Variants in DNAAF11 observed in about 807,000 individuals in gnomAD.
The protein encoded by DNAAF11 is dynein axonemal assembly factor 11, also known as leucine rich repeat containing 6.
A neutral mutation model predicts 60.8 loss-of-function variants in DNAAF11; 45 were observed. The observed-to-expected ratio is 0.74, with a 90% confidence interval of 0.58 to 0.95. The LOEUF is 0.95. Ranked by LOEUF, DNAAF11 falls within the 40% of genes least tolerant of loss-of-function variation. DNAAF11 has a pLI of 0.00. For missense variants in DNAAF11, 546 were observed against 546.2 expected (o/e 1.00, Z 0.00); for synonymous variants, 191 against 183.5 (o/e 1.04, Z -0.33).
rs961195967 is a variant in DNAAF11, at chr8:132,571,574, G to A, written c.*732C>T. Among the ~76,000 whole-genome samples the A allele has an allele frequency of 6.6e-6, 1 of 152,026 alleles. No homozygotes were observed. The highest frequency in any genetic ancestry group is 2.4e-5 in the African/African-American group (1 of 41,386). ...GAAGGAGCAGGGAGGAGGAGAGACA[G>A]GAGAAAGGGAGGAGAAGAGAGAGGA... On this transcript the variant is annotated 3_prime_UTR_variant, in exon 12 of 12. Coordinates refer to ENST00000620350, the MANE Select transcript of DNAAF11 (RefSeq NM_012472.6).
chr8:132,609,655 G>C (rs146205207), intron 10 of DNAAF11, among the ~76,000 whole-genome samples: 46 of 152,252 alleles, frequency 3.0e-4, no homozygotes, highest in African/African-American at 1.1e-3. Context: ...GAACATGAAA[G>C]TATGCTGCCC....
chr8:132,650,391 A>T (rs143041820), intron 3 of DNAAF11, among the ~76,000 whole-genome samples: 2,853 of 152,192 alleles, frequency 0.019, 99 homozygotes, highest in African/African-American at 0.065. Flanking sequence ...GGGCGGAGGG[A>T]TAGCACTAGG....
the DNAAF11 span, among the ~76,000 whole-genome samples, chr8:132,694,958 G>A: frequency 1.3e-5 from 2 of 152,292 alleles, no homozygotes; most frequent in African/African-American, 2.4e-5. Context: ...TATAAAATGA[G>A]TTTGGTAAAT....
At chr8:132,654,603 G>A (rs756248496) in intron 3 of DNAAF11, among the ~76,000 whole-genome samples, 3 of 150,560 alleles carry the variant, frequency 2.0e-5, no homozygotes, top group Admixed American at 1.3e-4. Context: ...GGAGTGAAAC[G>A]AGAAATCAGT....
intron 11 of DNAAF11, among the ~76,000 whole-genome samples, chr8:132,576,515 A>C (rs966288971): frequency 6.6e-6 from 1 of 152,188 alleles, no homozygotes; most frequent in South Asian, 2.1e-4. Context: ...AAATTGACCC[A>C]GTTGTTTTGG....
At chr8:132,648,490 G>A (rs1822636373) in intron 3 of DNAAF11, among the ~76,000 whole-genome samples, 1 of 152,148 alleles carries the variant, frequency 6.6e-6, no homozygotes, top group South Asian at 2.1e-4. Flanking sequence ...ATTCAATATA[G>A]TGTTAGAAGT....
the DNAAF11 span, among the ~76,000 whole-genome samples, chr8:132,700,307 G>A: frequency 1.3e-5 from 2 of 152,196 alleles, no homozygotes; most frequent in African/African-American, 4.8e-5. Flanking sequence ...CAGCAGGAAT[G>A]AGTGCAGCCC....
the DNAAF11 span, among the ~76,000 whole-genome samples, chr8:132,697,137 G>A: frequency 1.3e-5 from 2 of 152,334 alleles, no homozygotes; most frequent in South Asian, 2.1e-4. Context: ...TAGACTGTTA[G>A]TAGATTAGTG....
chr8:132,606,869 T>C (rs574984089), intron 10 of DNAAF11, among the ~76,000 whole-genome samples: 229 of 152,362 alleles, frequency 1.5e-3, no homozygotes, highest in African/African-American at 5.2e-3. Flanking sequence ...TATTTTTGTA[T>C]AGCTGTATAA....
At chr8:132,642,057 A>G (rs1821907963) in intron 3 of DNAAF11, among the ~76,000 whole-genome samples, 1 of 152,212 alleles carries the variant, frequency 6.6e-6, no homozygotes, top group Non-Finnish European at 1.5e-5. Flanking sequence ...TATTTTTCAA[A>G]ATTTTGCAAC....
the DNAAF11 span, among the ~76,000 whole-genome samples, chr8:132,701,542 C>CT: frequency 6.6e-6 from 1 of 152,146 alleles, no homozygotes; most frequent in East Asian, 1.9e-4. Flanking sequence ...CTGTGAGCTC[C>CT]TGAGCTGCAT....
intron 8 of DNAAF11, among the ~76,000 whole-genome samples, chr8:132,613,443 T>G (rs1173736988): frequency 6.6e-6 from 1 of 152,230 alleles, no homozygotes; most frequent in Non-Finnish European, 1.5e-5. Flanking sequence ...GGCCACATGT[T>G]GTATGATTCT....
intron 1 of DNAAF11, among the ~76,000 whole-genome samples, chr8:132,671,909 A>C (rs1468836228): frequency 5.3e-5 from 8 of 151,272 alleles, no homozygotes; most frequent in African/African-American, 2.0e-4. Context: ...ACCAAAAATT[A>C]TAAAATTTCT....
chr8:132,647,807 AC>A (rs1822554011), intron 3 of DNAAF11, among the ~76,000 whole-genome samples: 1 of 152,158 alleles, frequency 6.6e-6, no homozygotes, highest in Non-Finnish European at 1.5e-5. Flanking sequence ...CCCAAGACTA[AC>A]CCAGGAAGAA....
chr8:132,682,907 A>G, the DNAAF11 span, among the ~76,000 whole-genome samples: 3 of 152,302 alleles, frequency 2.0e-5, no homozygotes, highest in South Asian at 2.1e-4. Flanking sequence ...GCTTTTTTTA[A>G]CAACCAGCTC....
chr8:132,685,070 C>A, the DNAAF11 span: 1 of 152,124 alleles, frequency 6.6e-6, no homozygotes, highest in African/African-American at 2.4e-5. Context: ...TTTTCTGGTA[C>A]TTCGTAGCAG....
At position 132,643,658 on chromosome 8, in the gene DNAAF11, G is replaced by A. The variant is rs762546367; in HGVS notation, c.257-5551C>T. 93 of 456,172 alleles carry A rather than the reference G, an allele frequency of 2.0e-4. 1 individual carries two copies. The highest frequency in any genetic ancestry group is 1.3e-3 in the Admixed American group (54 of 42,572). The allele number at this position is 456,172 out of a possible 1,614,324, so 28.3% of individuals were successfully genotyped here. ...GGTGTGAGAGAACAAAATCTGCATC[G>A]TCCACATCAGGAAGTCAATAGATGA... On this transcript the variant is annotated intron_variant, in intron 3 of 11. Coordinates refer to ENST00000620350, the MANE Select transcript of DNAAF11 (RefSeq NM_012472.6).
chr8:132,687,849 G>A, the DNAAF11 span, among the ~76,000 whole-genome samples: 1 of 152,152 alleles, frequency 6.6e-6, no homozygotes, highest in African/African-American at 2.4e-5. Flanking sequence ...CACAGCAACT[G>A]TGAAGCAGTC....
the DNAAF11 span, among the ~76,000 whole-genome samples, chr8:132,685,555 C>CA: frequency 6.6e-6 from 1 of 152,192 alleles, no homozygotes; most frequent in African/African-American, 2.4e-5. Flanking sequence ...CAACCCTTCT[C>CA]ACGTTGGCTG....
Sources: gnomAD v4.1 joint callset for allele counts (sites outside exome capture counted in the v4.1 genomes callset) on GRCh38, gnomAD v4.1.1 for gene constraint, MANE v1.5 for transcripts, NCBI Gene and HGNC (gene_info 2026-07-23, HGNC 2026-07-21) for gene names.